Variants in CTNNB1 observed in about 807,000 individuals in gnomAD.
CTNNB1 encodes the protein catenin beta 1.
CTNNB1 carries 6 observed loss-of-function variants against 82.5 expected under a neutral mutation model. That is an observed-to-expected ratio of 0.07 (90% CI 0.04 to 0.14). The LOEUF (loss-of-function observed/expected upper bound fraction) is 0.14. Among genes scored for constraint, CTNNB1 ranks in the 10% least tolerant of loss-of-function variants. The probability of loss-of-function intolerance (pLI) is 1.00; values close to 1 mark genes in which losing one functional copy is unlikely to be tolerated. For missense variants in CTNNB1, 529 were observed against 980.4 expected (o/e 0.54, Z 6.15); for synonymous variants, 312 against 329.7 (o/e 0.95, Z 0.58).
chr3:41,224,760 G>A lies in CTNNB1; in HGVS notation c.241+7G>A, dbSNP rs1361095909. The A allele has an allele frequency of 5.6e-6, 9 of 1,612,500 alleles. No homozygotes were observed. Among genetic ancestry groups the A allele is most frequent in the Non-Finnish European group, 7.6e-6 (9 of 1,178,766 alleles). Reference sequence around the variant, plus strand: ...ACTCAAGAACAAGTAGCTGGTAAGAGTATTATTTTTCATTGCCTTACTGAA... The same window carrying A: ...ACTCAAGAACAAGTAGCTGGTAAGAATATTATTTTTCATTGCCTTACTGAA... On this transcript the variant is annotated splice_region_variant and intron_variant, in intron 3 of 14. Transcript: ENST00000349496.
chr3:41,227,480 A>C, intron 7 of CTNNB1, 128 bp downstream of exon 7: 1 of 946,694 alleles, frequency 1.1e-6, no homozygotes, highest in Admixed American at 2.0e-5. Flanking sequence ...TTTGCAGCCA[A>C]GATTTACATT....
At chr3:41,208,646 A>G (rs935808631) in intron 1 of CTNNB1, among the ~76,000 whole-genome samples, 3 of 152,128 alleles carry the variant, frequency 2.0e-5, no homozygotes, top group Admixed American at 1.3e-4. Context: ...ACGTTTAACA[A>G]TCTTGTCCCT....
chr3:41,222,073 G>A (rs562411732), intron 1 of CTNNB1: 5 of 151,898 alleles, frequency 3.3e-5, no homozygotes, highest in African/African-American at 9.7e-5. Context: ...CAGTTTTTTC[G>A]TTGCTTTAAA....
Position 41,240,271 on chromosome 3 carries a change from T to TTTGGGATA in CTNNB1, c.*931_*938dup, listed in dbSNP as rs1478984569. The TTTGGGATA allele has an allele frequency of 5.2e-6, 1 of 193,610 alleles. No individual in the cohort carries two copies. The highest frequency in any genetic ancestry group is 2.3e-5 in the African/African-American group (1 of 43,210). The allele number at this position is 193,610 out of a possible 1,614,324, so 12.0% of individuals were successfully genotyped here. A position where few individuals can be genotyped will look rare whatever the true frequency, so the allele number is the denominator to read the frequency against. ...ATTTCATGTTTTTGATCAAAAACTA[T>TTTGGGATA]TTGGGATATGTATGGGTAGGGTAAA... On this transcript the variant is annotated 3_prime_UTR_variant, in exon 15 of 15. Transcript: ENST00000349496.
At chr3:41,218,224 T>G (rs1043051947) in intron 1 of CTNNB1, among the ~76,000 whole-genome samples, 1 of 152,198 alleles carries the variant, frequency 6.6e-6, no homozygotes, top group Non-Finnish European at 1.5e-5. Context: ...AATTGAAATA[T>G]TACCTTCTTC....
rs564558393 is a variant in CTNNB1, at chr3:41,238,272, A to G, written c.2137+196A>G. On this transcript the variant is annotated intron_variant, in intron 14 of 14. Coordinates refer to ENST00000349496, the MANE Select transcript of CTNNB1 (RefSeq NM_001904.4). ...GGGAATTCAGAGCCACACAATGAGT[A>G]GCAGTAGGATTACACCACCAACAAA... 39 of 607,762 alleles carry G rather than the reference A, an allele frequency of 6.4e-5. No homozygotes were observed. The East Asian group carries it at 1.1e-3, about 17-fold the overall frequency. The allele number at this position is 607,762 out of a possible 1,614,324, so 37.6% of individuals were successfully genotyped here. A position where few individuals can be genotyped will look rare whatever the true frequency, so the allele number is the denominator to read the frequency against.
At chr3:41,224,932 G>GT (rs1230634988) in intron 3 of CTNNB1, 22 bp from the exon 4 acceptor site, 1 of 1,613,974 alleles carries the variant, frequency 6.2e-7, no homozygotes, top group Non-Finnish European at 8.5e-7. Context: ...TGGATAGTGA[G>GT]TGTTGAATTA....
chr3:41,234,085 G>C (rs1224197249), intron 9 of CTNNB1, 54 bp from the exon 10 acceptor site: 2 of 1,609,006 alleles, frequency 1.2e-6, no homozygotes, highest in Admixed American at 3.3e-5. Flanking sequence ...GGAATTTTAG[G>C]GTAAGAAAAT....
Position 41,225,250 on chromosome 3 carries a change from A to G in CTNNB1, c.495+43A>G, listed in dbSNP as rs2125621553. On this transcript the variant is annotated intron_variant, in intron 4 of 14. Transcript: ENST00000349496. The surrounding 1 kb of genome is among the most constrained non-coding windows in gnomAD (Gnocchi z 5.3). ...TAGCTTTTTAGTCTGCTTTGAAGTA[A>G]ATGCTCAAGGGGAGTAGTTTCAGAA... The G allele has an allele frequency of 6.2e-7, 1 of 1,613,970 alleles. No homozygotes were observed.
At chr3:41,227,487 C>T (rs1575320552) in intron 7 of CTNNB1, 135 bp downstream of exon 7, 4 of 868,466 alleles carry the variant, frequency 4.6e-6, no homozygotes, top group Admixed American at 2.0e-5. Context: ...CCAAGATTTA[C>T]ATTCAGAGTA....
Position 41,238,012 on chromosome 3 carries a change from C to G in CTNNB1, c.2077-4C>G, listed in dbSNP as rs374101265. The G allele has an allele frequency of 6.2e-7, 1 of 1,613,272 alleles. No individual in the cohort carries two copies. The highest frequency in any genetic ancestry group is 1.3e-5 in the African/African-American group (1 of 74,866). ...TCTTCCTTGCTTTGTGCATGTTTATCTAGACTGCTGATCTTGGACTTGATA... is the reference window on the plus strand; with the variant it reads ...TCTTCCTTGCTTTGTGCATGTTTATGTAGACTGCTGATCTTGGACTTGATA... On this transcript the variant is annotated splice_region_variant and splice_polypyrimidine_tract_variant and intron_variant, in intron 13 of 14. Transcript: ENST00000349496.
intron 1 of CTNNB1, among the ~76,000 whole-genome samples, chr3:41,222,773 C>T (rs1359433237): frequency 6.6e-6 from 1 of 152,168 alleles, no homozygotes; most frequent in East Asian, 1.9e-4. Flanking sequence ...ATAGACATGA[C>T]CAGTTGGTTT....
At chr3:41,231,526 G>C (rs1238916043) in intron 7 of CTNNB1, among the ~76,000 whole-genome samples, 1 of 152,200 alleles carries the variant, frequency 6.6e-6, no homozygotes, top group East Asian at 1.9e-4. Context: ...TCCAGCTTTG[G>C]AGCCATAGAT....
chr3:41,210,373 G>A (rs1276628762), intron 1 of CTNNB1, among the ~76,000 whole-genome samples: 1 of 152,128 alleles, frequency 6.6e-6, no homozygotes, highest in East Asian at 1.9e-4. Context: ...AGAATGGCGT[G>A]AACCCAGGAG....
intron 10 of CTNNB1, 24 bp downstream of exon 10, chr3:41,234,321 C>A: frequency 6.2e-7 from 1 of 1,613,150 alleles, no homozygotes; most frequent in Non-Finnish European, 8.5e-7. Flanking sequence ...TACAGTGATA[C>A]CTGGCTATCT....
At chr3:41,206,749 G>C (rs923211070) in intron 1 of CTNNB1, among the ~76,000 whole-genome samples, 1 of 151,916 alleles carries the variant, frequency 6.6e-6, no homozygotes, top group Non-Finnish European at 1.5e-5. Flanking sequence ...GGAGGAACAA[G>C]GGATTCTTGG....
chr3:41,235,448 T>A, intron 10 of CTNNB1: 1 of 499,706 alleles, frequency 2.0e-6, no homozygotes, highest in Non-Finnish European at 3.6e-6. Flanking sequence ...CCAGAATGAT[T>A]GGTGCCCTTA....
intron 7 of CTNNB1, among the ~76,000 whole-genome samples, chr3:41,232,560 T>C (rs1427602901): frequency 6.6e-6 from 1 of 151,944 alleles, no homozygotes; most frequent in Non-Finnish European, 1.5e-5. Flanking sequence ...AAGTTGAAGA[T>C]GGATGAGCGA....
At chr3:41,199,980 T>TGGGGGG (rs2077485829) in intron 1 of CTNNB1, 1 of 119,858 alleles carries the variant, frequency 8.3e-6, no homozygotes, top group Non-Finnish European at 1.7e-5. Context: ...GGGGTGGGGG[T>TGGGGGG]CTGTGGTTTC....
Sources: gnomAD v4.1 joint callset for allele counts (sites outside exome capture counted in the v4.1 genomes callset) on GRCh38, gnomAD v4.1.1 for gene constraint, Gnocchi (gnomAD v3.1) non-coding constraint, MANE v1.5 for transcripts, NCBI Gene and HGNC (gene_info 2026-07-23, HGNC 2026-07-21) for gene names.